C4orf51: variants seen among roughly 807,000 people sequenced by gnomAD.
C4orf51 encodes chromosome 4 open reading frame 51.
A neutral mutation model predicts 25.2 loss-of-function variants in C4orf51; 25 were observed. The ratio of observed to expected loss-of-function variants is 0.99; its 90% CI spans 0.72 to 1.39. The LOEUF (loss-of-function observed/expected upper bound fraction) is 1.39. Among genes scored for constraint, C4orf51 ranks in the 40% most tolerant of loss-of-function variants. The pLI is 0.00. For missense variants in C4orf51, 252 were observed against 239.6 expected (o/e 1.05, Z -0.34); for synonymous variants, 100 against 84.5 (o/e 1.18, Z -1.01).
rs964037850 is a variant in C4orf51, at chr4:145,732,650, C to G, written c.*90C>G. 6.4e-6 allele frequency: 5 copies of G among 778,974 alleles called. No homozygotes were observed. The highest frequency in any genetic ancestry group is 3.5e-5 in the African/African-American group (2 of 57,202). The allele number at this position is 778,974 out of a possible 1,614,324, so 48.3% of individuals were successfully genotyped here. ...GGGCCCTCCCAACACCCTCCCCCCACCCGCCCCGCCCAGGAACGTCTGGAC... is the reference window on the plus strand; with the variant it reads ...GGGCCCTCCCAACACCCTCCCCCCAGCCGCCCCGCCCAGGAACGTCTGGAC... On this transcript the variant is annotated 3_prime_UTR_variant, in exon 6 of 6. Coordinates refer to ENST00000438731, the MANE Select transcript of C4orf51 (RefSeq NM_001080531.3).
chr4:145,711,129 A>G (rs568048912), intron 2 of C4orf51, among the ~76,000 whole-genome samples: 4 of 152,156 alleles, frequency 2.6e-5, no homozygotes, highest in Non-Finnish European at 4.4e-5. Context: ...ATTATAACCT[A>G]CATGGCTAAT....
Position 145,680,361 on chromosome 4 carries a change from G to A in C4orf51, c.158G>A (p.Arg53Gln), listed in dbSNP as rs779884765. ...SSVTTYTGSYRKKQLDKSMCS... is the reference protein window; with the variant it reads ...SSVTTYTGSYQKKQLDKSMCS... Reference sequence around the variant, plus strand: ...GTGACAACATACACAGGCAGTTACCGGAAAAAACAACTGGACAAGTCCATG... The same window carrying A: ...GTGACAACATACACAGGCAGTTACCAGAAAAAACAACTGGACAAGTCCATG... The change falls in exon 1 of 6, where the codon CGG becomes CAG. Residue 53 changes from arginine to glutamine, a missense_variant. Arg to Gln is a conservative substitution (Grantham distance 43). Transcript: ENST00000438731. 1.9e-5 allele frequency: 31 copies of A among 1,613,754 alleles called. No individual in the cohort carries two copies. The highest frequency in any genetic ancestry group is 6.7e-5 in the Admixed American group (4 of 59,994).
chr4:145,692,911 A>AT (rs1004473437), intron 1 of C4orf51, among the ~76,000 whole-genome samples: 65 of 142,648 alleles, frequency 4.6e-4, no homozygotes, highest in African/African-American at 1.6e-3. Flanking sequence ...TACACACTGC[A>AT]TCTGTGAGTC....
the C4orf51 span, among the ~76,000 whole-genome samples, chr4:145,789,369 A>G: frequency 6.6e-6 from 1 of 152,204 alleles, no homozygotes; most frequent in Admixed American, 6.5e-5. Flanking sequence ...CCATTATGCA[A>G]AACAATATCA....
chr4:145,694,179 C>T (rs1459478109), intron 1 of C4orf51, among the ~76,000 whole-genome samples: 1 of 146,988 alleles, frequency 6.8e-6, no homozygotes, highest in Admixed American at 6.7e-5. Flanking sequence ...TGCGGCCGGG[C>T]AGAGACGCTC....
chr4:145,751,581 C>CCTGAAGCCAGCACAGCA (rs1197682034), intron 1 of C4orf51, among the ~76,000 whole-genome samples: 1 of 152,190 alleles, frequency 6.6e-6, no homozygotes, highest in African/African-American at 2.4e-5. Context: ...CTGGGTCAGA[C>CCTGAAGCCAGCACAGCA]CTGAAGCCAG....
At chr4:145,709,793 C>T (rs1259069824) in intron 2 of C4orf51, among the ~76,000 whole-genome samples, 1 of 152,146 alleles carries the variant, frequency 6.6e-6, no homozygotes, top group African/African-American at 2.4e-5. Context: ...TTTAGGAGGG[C>T]CATTAGTGTC....
chr4:145,744,014 G>A (rs1049221552), intron 1 of C4orf51, among the ~76,000 whole-genome samples: 1 of 152,130 alleles, frequency 6.6e-6, no homozygotes, highest in Non-Finnish European at 1.5e-5. Context: ...GTATTATAAT[G>A]CATATGCTCA....
chr4:145,779,217 A>G, the C4orf51 span, among the ~76,000 whole-genome samples: 1 of 152,240 alleles, frequency 6.6e-6, no homozygotes, highest in East Asian at 1.9e-4. Context: ...AAGCCTTTCC[A>G]AGGTCTTCTT....
chr4:145,706,352 C>T (rs1685291045), intron 2 of C4orf51, among the ~76,000 whole-genome samples: 1 of 152,046 alleles, frequency 6.6e-6, no homozygotes, highest in South Asian at 2.1e-4. Context: ...TTTTTTAAAG[C>T]CTTAGGTTGG....
chr4:145,729,581 G>A (rs568533604), intron 4 of C4orf51, among the ~76,000 whole-genome samples: 95 of 152,208 alleles, frequency 6.2e-4, no homozygotes, highest in South Asian at 1.0e-3. Flanking sequence ...GATTACAGGC[G>A]TGAGCCACCA....
chr4:145,682,842 C>T (rs1234510583), intron 1 of C4orf51, among the ~76,000 whole-genome samples: 1 of 152,026 alleles, frequency 6.6e-6, no homozygotes, highest in East Asian at 1.9e-4. Flanking sequence ...TTTTGGAATT[C>T]CTAAGACAGG....
downstream of C4orf51, among the ~76,000 whole-genome samples, chr4:145,772,630 G>A (rs1167382610): frequency 6.6e-6 from 1 of 152,170 alleles, no homozygotes; most frequent in African/African-American, 2.4e-5. Flanking sequence ...GAAACTGTAT[G>A]ACCTGAAAGC....
At chr4:145,785,625 T>C in the C4orf51 span, among the ~76,000 whole-genome samples, 1 of 152,186 alleles carries the variant, frequency 6.6e-6, no homozygotes, top group Non-Finnish European at 1.5e-5. Context: ...AGGAGGAACC[T>C]GAACGATCAT....
chr4:145,737,577 T>A (rs1371857232), downstream of C4orf51, among the ~76,000 whole-genome samples: 1 of 152,020 alleles, frequency 6.6e-6, no homozygotes, highest in Non-Finnish European at 1.5e-5. Flanking sequence ...TCAGAGTGGG[T>A]AATACATTTT....
intron 1 of C4orf51, among the ~76,000 whole-genome samples, chr4:145,738,143 G>A (rs1732900266): frequency 6.6e-6 from 1 of 152,108 alleles, no homozygotes; most frequent in Admixed American, 6.5e-5. Flanking sequence ...TAAGCTCTTT[G>A]GATGCATATT....
intron 2 of C4orf51, among the ~76,000 whole-genome samples, chr4:145,709,312 C>G (rs1405745906): frequency 6.6e-6 from 1 of 152,198 alleles, no homozygotes; most frequent in African/African-American, 2.4e-5. Context: ...GAAAAACTTA[C>G]CCCTAGAGCA....
At chr4:145,769,078 A>C (rs752696699) in intron 1 of C4orf51, among the ~76,000 whole-genome samples, 5 of 151,290 alleles carry the variant, frequency 3.3e-5, no homozygotes, top group African/African-American at 1.2e-4. Context: ...ATATGTACCC[A>C]CTTACAATGT....
chr4:145,746,428 A>G (rs139653898), intron 1 of C4orf51, among the ~76,000 whole-genome samples: 132 of 152,274 alleles, frequency 8.7e-4, no homozygotes, highest in African/African-American at 3.0e-3. Context: ...ATTCTTCTGC[A>G]TATGGATATC....
Sources: allele counts gnomAD v4.1 joint callset (sites outside exome capture counted in the v4.1 genomes callset), GRCh38; gene constraint gnomAD v4.1.1; transcripts MANE v1.5; gene names NCBI Gene and HGNC (gene_info 2026-07-23, HGNC 2026-07-21).